The following VTI1A variants were observed in gnomAD, a reference collection of about 807,000 sequenced individuals.
The protein encoded by VTI1A is vesicle transport through interaction with t-SNAREs homolog 1A.
Under a neutral mutation model 34.9 loss-of-function variants are expected in VTI1A, and 22 were observed. The ratio of observed to expected loss-of-function variants is 0.63; its 90% CI spans 0.45 to 0.90. VTI1A has a LOEUF of 0.90. Ranked by LOEUF, VTI1A falls within the 40% of genes least tolerant of loss-of-function variation. The pLI is 0.00. For synonymous variants in VTI1A, 87 were observed against 97.3 expected (o/e 0.89, Z 0.62); for missense variants, 268 against 275.6 (o/e 0.97, Z 0.20).
intron 7 of VTI1A, among the ~76,000 whole-genome samples, chr10:112,794,734 A>G (rs941948114): frequency 6.6e-6 from 1 of 152,154 alleles, no homozygotes; most frequent in Non-Finnish European, 1.5e-5. Context: ...TGCTTTTTAC[A>G]TAATATATTA....
In VTI1A at chr10:112,730,962, T is replaced by G. The variant is rs1291368938; in HGVS notation, c.560+61964T>G. ...TAGTTTATACCTGATGCCAAGAAATTATATATAATTAGTCTGGGTAATATA... is the reference window on the plus strand; with the variant it reads ...TAGTTTATACCTGATGCCAAGAAATGATATATAATTAGTCTGGGTAATATA... On this transcript the variant is annotated intron_variant, in intron 7 of 7. Coordinates refer to ENST00000393077, the MANE Select transcript of VTI1A (RefSeq NM_145206.4). Among the ~76,000 whole-genome samples the G allele has an allele frequency of 5.3e-5, 8 of 152,226 alleles. No individual in the cohort carries two copies. In the East Asian group the frequency reaches 1.3e-3, roughly 26 times the overall value.
rs573320048 is a variant in VTI1A, at chr10:112,807,479, G to A, written c.561-7811G>A. The stretch of plus-strand genomic sequence containing the variant: ...TTCCAGTCTCTGCCTCCATCTTCAC[G>A]TGCCCCTCTTTGTCCTCTCTTAAGG... On this transcript the variant is annotated intron_variant, in intron 7 of 7. Coordinates refer to ENST00000393077, the MANE Select transcript of VTI1A (RefSeq NM_145206.4). Among the ~76,000 whole-genome samples, 5 of 152,188 alleles carry A rather than the reference G, an allele frequency of 3.3e-5. No homozygotes were observed. In the South Asian group the frequency reaches 6.2e-4, roughly 19 times the overall value.
chr10:112,607,768 G>T (rs1845139561), intron 5 of VTI1A, among the ~76,000 whole-genome samples: 1 of 152,132 alleles, frequency 6.6e-6, no homozygotes, highest in African/African-American at 2.4e-5. Flanking sequence ...CTTGACTGGG[G>T]CTGGAAAATC....
the VTI1A span, among the ~76,000 whole-genome samples, chr10:112,828,551 G>A: frequency 0.37 from 56,486 of 151,216 alleles, 11,960 homozygotes; most frequent in East Asian, 0.59. Context: ...GACTACAGGC[G>A]CCCGCCACCA....
intron 1 of VTI1A, chr10:112,450,448 G>C (rs186810231): frequency 6.6e-6 from 1 of 152,324 alleles, no homozygotes. Flanking sequence ...AAGTGACCCA[G>C]AGGAGGTGAA....
intron 3 of VTI1A, among the ~76,000 whole-genome samples, chr10:112,520,536 T>G (rs1849975995): frequency 6.6e-6 from 1 of 151,780 alleles, no homozygotes; most frequent in African/African-American, 2.4e-5. Flanking sequence ...TGGGCAGAGT[T>G]CCTAATATAA....
At chr10:112,682,396 T>G (rs1848246566) in intron 7 of VTI1A, among the ~76,000 whole-genome samples, 1 of 152,228 alleles carries the variant, frequency 6.6e-6, no homozygotes, top group Non-Finnish European at 1.5e-5. Flanking sequence ...GTATTTTACC[T>G]TCTGAATTTT....
chr10:112,840,351 C>T, the VTI1A span, among the ~76,000 whole-genome samples: 107 of 152,264 alleles, frequency 7.0e-4, no homozygotes, highest in Admixed American at 2.7e-3. Flanking sequence ...ATCCCACCCA[C>T]GAGTCCCCCA....
At chr10:112,468,821 C>T (rs1169751113) in intron 3 of VTI1A, among the ~76,000 whole-genome samples, 4 of 152,180 alleles carry the variant, frequency 2.6e-5, no homozygotes, top group Non-Finnish European at 5.9e-5. Context: ...TTTAAACACA[C>T]TCAGATTCAA....
At chr10:112,668,470 C>G (rs1361954468) in intron 6 of VTI1A, among the ~76,000 whole-genome samples, 182 bp downstream of exon 6, 1 of 152,036 alleles carries the variant, frequency 6.6e-6, no homozygotes, top group Non-Finnish European at 1.5e-5. Flanking sequence ...ACTCTATGTC[C>G]CCATTCCAGA....
chr10:112,653,827 G>A lies in VTI1A; in HGVS notation c.428-14391G>A, dbSNP rs899197630. 7.9e-5 allele frequency among the ~76,000 whole-genome samples: 12 copies of A among 152,170 alleles called. No individual in the cohort carries two copies. The South Asian group carries it at 1.7e-3, about 21-fold the overall frequency. On this transcript the variant is annotated intron_variant, in intron 5 of 7. Transcript: ENST00000393077. ...TTTGTCCCCCAGGGTTTCAACCTAC[G>A]TGCTTGTTTCCCCCCCAAAATAAGT...
intron 7 of VTI1A, among the ~76,000 whole-genome samples, chr10:112,710,421 G>A (rs1849373539): frequency 6.6e-6 from 1 of 151,962 alleles, no homozygotes; most frequent in Admixed American, 6.6e-5. Context: ...TGGTCAGGCT[G>A]GTCTCAAACT....
chr10:112,719,286 G>GCAAA (rs1302958639), intron 7 of VTI1A, among the ~76,000 whole-genome samples: 2 of 152,022 alleles, frequency 1.3e-5, no homozygotes, highest in African/African-American at 4.8e-5. Context: ...TGATCCAAAT[G>GCAAA]CAAAAATGGG....
intron 7 of VTI1A, among the ~76,000 whole-genome samples, chr10:112,810,221 G>A (rs1853235403): frequency 1.3e-5 from 2 of 151,846 alleles, no homozygotes; most frequent in Non-Finnish European, 2.9e-5. Flanking sequence ...TGGCCAACAC[G>A]GTGAAACCCC....
chr10:112,792,039 G>A (rs1852498483), intron 7 of VTI1A, among the ~76,000 whole-genome samples: 1 of 152,156 alleles, frequency 6.6e-6, no homozygotes, highest in Non-Finnish European at 1.5e-5. Flanking sequence ...ACTTTGGAAG[G>A]CTGAGGCAGG....
chr10:112,834,048 C>G, the VTI1A span, among the ~76,000 whole-genome samples: 4 of 152,128 alleles, frequency 2.6e-5, no homozygotes, highest in African/African-American at 9.7e-5. Context: ...CCTCCCTGAA[C>G]CTCGTTCCCT....
At chr10:112,665,785 T>C (rs1847621974) in intron 5 of VTI1A, among the ~76,000 whole-genome samples, 1 of 152,170 alleles carries the variant, frequency 6.6e-6, no homozygotes, top group Non-Finnish European at 1.5e-5. Flanking sequence ...TCGCAAACTT[T>C]ATGCATACTT....
intron 7 of VTI1A, chr10:112,736,741 A>G (rs1459064425): frequency 1.3e-6 from 2 of 1,551,238 alleles, no homozygotes; most frequent in African/African-American, 1.4e-5. Context: ...CTGTGAAAAA[A>G]CAATGTAACC....
chr10:112,755,780 G>C (rs990384465), intron 7 of VTI1A, among the ~76,000 whole-genome samples: 1 of 152,026 alleles, frequency 6.6e-6, no homozygotes, highest in African/African-American at 2.4e-5. Flanking sequence ...TGTTAATTTC[G>C]TCTGGAGCCA....
Sources: allele counts gnomAD v4.1 joint callset (sites outside exome capture counted in the v4.1 genomes callset), GRCh38; gene constraint gnomAD v4.1.1; transcripts MANE v1.5; gene names NCBI Gene and HGNC (gene_info 2026-07-23, HGNC 2026-07-21).